The following ATP10A variants were observed in gnomAD, a reference collection of about 807,000 sequenced individuals.
ATP10A encodes the protein ATPase phospholipid transporting 10A (putative).
ATP10A carries 111 observed loss-of-function variants against 147.8 expected under a neutral mutation model. The ratio of observed to expected loss-of-function variants is 0.75; its 90% confidence interval spans 0.64 to 0.88. The LOEUF is 0.88. Among genes scored for constraint, ATP10A ranks in the 40% least tolerant of loss-of-function variants. The pLI, the probability that ATP10A is intolerant of heterozygous loss-of-function variation, is 0.00. For missense variants in ATP10A, 1,927 were observed against 1,959.0 expected (o/e 0.98, Z 0.31); for synonymous variants, 875 against 841.6 (o/e 1.04, Z -0.69).
chr15:25,777,195 C>T (rs1026886500), intron 2 of ATP10A, among the ~76,000 whole-genome samples: 4 of 147,742 alleles, frequency 2.7e-5, no homozygotes, highest in Admixed American at 6.7e-5. Flanking sequence ...TCTCTCAGTC[C>T]GGGGTACCCT....
intron 4 of ATP10A, 48 bp downstream of exon 4, chr15:25,727,112 G>GAAC (rs1232173812): frequency 7.4e-7 from 1 of 1,354,340 alleles, no homozygotes; most frequent in Non-Finnish European, 1.1e-6. Context: ...AAGTGCTGGA[G>GAAC]AACACAGCGC....
intron 14 of ATP10A, 87 bp from the exon 15 acceptor site, chr15:25,691,878 C>T (rs1048857331): frequency 6.6e-6 from 10 of 1,520,260 alleles, no homozygotes; most frequent in African/African-American, 2.7e-5. Context: ...TGGGAGTCCC[C>T]GCTGAACTCA....
intron 3 of ATP10A, among the ~76,000 whole-genome samples, chr15:25,731,069 T>C (rs959283479): frequency 6.6e-6 from 1 of 152,198 alleles, no homozygotes; most frequent in Non-Finnish European, 1.5e-5. Flanking sequence ...CTGTTGTTAG[T>C]GACAGCCCTG....
chr15:25,847,309 C>A (rs1307832241), intron 1 of ATP10A, among the ~76,000 whole-genome samples: 1 of 152,142 alleles, frequency 6.6e-6, no homozygotes, highest in Non-Finnish European at 1.5e-5. Flanking sequence ...CCAGGCTCTG[C>A]CCCTTTTGGA....
Position 25,725,964 on chromosome 15 carries a change from C to CA in ATP10A, c.965dup (p.Phe323ValfsTer26), listed in dbSNP as rs1252347396. The CA allele has an allele frequency of 6.2e-7, 1 of 1,613,456 alleles. No individual in the cohort carries two copies. The highest frequency in any genetic ancestry group is 1.1e-5 in the South Asian group (1 of 91,044). ...TAGGAGACTTACCGACTGCTGAAAA[C>CA]AGAGACATGCAAACAAGGAGCAGGA... On this transcript the variant is annotated frameshift_variant, in exon 5 of 21. Coordinates refer to ENST00000555815, the MANE Select transcript of ATP10A (RefSeq NM_024490.4). LOFTEE classifies it high-confidence loss of function.
At chr15:25,686,387 G>A (rs1324612871) in intron 16 of ATP10A, among the ~76,000 whole-genome samples, 1 of 106,096 alleles carries the variant, frequency 9.4e-6, no homozygotes, top group Non-Finnish European at 1.7e-5. Context: ...TTGGGAGGCT[G>A]AGGCTGGAAG....
intron 9 of ATP10A, 136 bp from the exon 10 acceptor site, chr15:25,714,377 AT>A (rs1901649151): frequency 1.4e-6 from 1 of 724,108 alleles, no homozygotes; most frequent in East Asian, 2.7e-5. Context: ...CAGAGCACAG[AT>A]TTCCCATTTC....
At chr15:25,715,368 C>G (rs1901734143) in intron 9 of ATP10A, among the ~76,000 whole-genome samples, 1 of 152,198 alleles carries the variant, frequency 6.6e-6, no homozygotes, top group Non-Finnish European at 1.5e-5. Context: ...AGAAATGCAC[C>G]CAGAGACATC....
At chr15:25,674,470 TC>T (rs1365349217), downstream of ATP10A, among the ~76,000 whole-genome samples, 1 of 152,114 alleles carries the variant, frequency 6.6e-6, no homozygotes, top group African/African-American at 2.4e-5. Context: ...CTAGTCAGGA[TC>T]CCCTTCTTTG....
chr15:25,739,643 G>A (rs143007893), intron 2 of ATP10A, among the ~76,000 whole-genome samples: 1 of 152,308 alleles, frequency 6.6e-6, no homozygotes, highest in East Asian at 1.9e-4. Flanking sequence ...TCAAGCTGAA[G>A]CACTGCCCTC....
chr15:25,691,393 C>T (rs569397041), intron 15 of ATP10A, among the ~76,000 whole-genome samples: 3 of 152,262 alleles, frequency 2.0e-5, no homozygotes, highest in South Asian at 4.1e-4. Flanking sequence ...GTAAAAAGTG[C>T]CTGCTGGGAC....
intron 1 of ATP10A, among the ~76,000 whole-genome samples, chr15:25,819,473 T>C (rs767672515): frequency 2.0e-5 from 3 of 152,034 alleles, no homozygotes; most frequent in Non-Finnish European, 4.4e-5. Flanking sequence ...ACACTGGTGG[T>C]GGAAATGTAA....
chr15:25,794,288 C>T (rs555175802), intron 1 of ATP10A, among the ~76,000 whole-genome samples: 37 of 152,164 alleles, frequency 2.4e-4, no homozygotes, highest in Non-Finnish European at 4.1e-4. Context: ...CATCACCCTG[C>T]CCAGAGGCTG....
intron 1 of ATP10A, among the ~76,000 whole-genome samples, chr15:25,830,014 A>G (rs1341752320): frequency 1.3e-5 from 2 of 152,086 alleles, no homozygotes; most frequent in African/African-American, 4.8e-5. Flanking sequence ...GGAGGTGGTT[A>G]GGGTAAGCTA....
chr15:25,846,505 A>C (rs1476117228), intron 1 of ATP10A, among the ~76,000 whole-genome samples: 1 of 152,080 alleles, frequency 6.6e-6, no homozygotes, highest in African/African-American at 2.4e-5. Context: ...TCATGCCTCA[A>C]CCTTCAGAAC....
chr15:25,700,872 G>T (rs1900619452), intron 13 of ATP10A, among the ~76,000 whole-genome samples: 1 of 151,958 alleles, frequency 6.6e-6, no homozygotes, highest in Admixed American at 6.6e-5. Flanking sequence ...CAATGACCAG[G>T]TCATCAGGTC....
intron 1 of ATP10A, among the ~76,000 whole-genome samples, chr15:25,836,928 G>C (rs1005628883): frequency 3.3e-5 from 5 of 152,140 alleles, no homozygotes; most frequent in African/African-American, 1.2e-4. Context: ...CACACCACCT[G>C]CCATGGGGCT....
At chr15:25,729,080 T>C (rs941219131) in intron 3 of ATP10A, among the ~76,000 whole-genome samples, 29 of 152,318 alleles carry the variant, frequency 1.9e-4, no homozygotes, top group Admixed American at 1.0e-3. Context: ...AGCTCCGTTG[T>C]CATGGGCTGA....
intron 16 of ATP10A, 164 bp from the exon 17 acceptor site, chr15:25,683,650 C>T: frequency 1.5e-6 from 1 of 650,638 alleles, no homozygotes; most frequent in Non-Finnish European, 2.6e-6. Context: ...TGCTGCTGGC[C>T]TCTGCCTCTC....
Sources: gnomAD v4.1 joint callset for allele counts (sites outside exome capture counted in the v4.1 genomes callset) on GRCh38, gnomAD v4.1.1 for gene constraint, MANE v1.5 for transcripts, NCBI Gene and HGNC (gene_info 2026-07-23, HGNC 2026-07-21) for gene names.